SOX6: variants seen among roughly 807,000 people sequenced by gnomAD.
SOX6 encodes SRY-box transcription factor 6, also known as transcription factor SOX-6.
In SOX6, 11 loss-of-function variants were observed where a neutral mutation model predicts 97.8. That is an observed-to-expected ratio of 0.11 (90% CI 0.07 to 0.19). The LOEUF is 0.19. Among genes scored for constraint, SOX6 ranks in the 10% least tolerant of loss-of-function variants. The pLI, the probability that SOX6 is intolerant of heterozygous loss-of-function variation, is 1.00. For synonymous variants in SOX6, 360 were observed against 371.4 expected (o/e 0.97, Z 0.35); for missense variants, 810 against 1,039.5 (o/e 0.78, Z 3.04).
chr11:16,055,026 C>T (rs2133920126), intron 10 of SOX6, among the ~76,000 whole-genome samples: 1 of 152,228 alleles, frequency 6.6e-6, no homozygotes, highest in Non-Finnish European at 1.5e-5. Context: ...CCTGTTTATC[C>T]TATCACAACT....
chr11:16,540,602 T>C (rs1314652646), intron 4 of SOX6, among the ~76,000 whole-genome samples: 1 of 152,180 alleles, frequency 6.6e-6, no homozygotes, highest in African/African-American at 2.4e-5. Context: ...CTCCTTAAGC[T>C]GATAAGCAAC....
chr11:16,269,462 C>T (rs780425595), intron 3 of SOX6, among the ~76,000 whole-genome samples: 13 of 150,098 alleles, frequency 8.7e-5, no homozygotes, highest in Middle Eastern at 3.2e-3. Flanking sequence ...ATAAAAACTT[C>T]GGGGAATGTG....
rs1371740753 is a variant in SOX6, at chr11:16,201,630, T to C, written c.536-14675A>G. 6.7e-5 allele frequency among the ~76,000 whole-genome samples: 9 copies of C among 133,690 alleles called. 1 individual carries two copies. Among genetic ancestry groups the C allele is most frequent in the African/African-American group, 2.6e-4 (9 of 35,136 alleles). 87.7% of individuals were successfully genotyped at this position (133,690 alleles called of 152,430 possible). On this transcript the variant is annotated intron_variant, in intron 4 of 15. Transcript: ENST00000683767. ...CTCCTTATTTGCAAAGTATTTTTTT[T>C]TTTTTCTTTTTTTTTTTTTTTGAGA...
At chr11:16,628,303 T>C (rs940064836) in intron 3 of SOX6, among the ~76,000 whole-genome samples, 2 of 152,146 alleles carry the variant, frequency 1.3e-5, no homozygotes, top group African/African-American at 4.8e-5. Context: ...ATATGAACTT[T>C]AAAATAGTCT....
chr11:16,183,800 G>A, intron 6 of SOX6, 86 bp downstream of exon 6: 1 of 1,192,308 alleles, frequency 8.4e-7, no homozygotes, highest in Non-Finnish European at 1.2e-6. Context: ...TTATAAGACA[G>A]GGGTACATCT....
At chr11:16,248,165 G>A (rs551114736) in intron 3 of SOX6, among the ~76,000 whole-genome samples, 1 of 152,270 alleles carries the variant, frequency 6.6e-6, no homozygotes, top group South Asian at 2.1e-4. Context: ...GGGCTTCCAT[G>A]GCCTTGGACA....
chr11:16,650,018 C>T (rs1376324095), intron 3 of SOX6, among the ~76,000 whole-genome samples: 1 of 151,872 alleles, frequency 6.6e-6, no homozygotes, highest in Non-Finnish European at 1.5e-5. Flanking sequence ...TTTAAAGCAA[C>T]AACAGTATAA....
chr11:16,224,913 T>G (rs1196000002), intron 4 of SOX6, among the ~76,000 whole-genome samples: 5 of 152,024 alleles, frequency 3.3e-5, no homozygotes, highest in Non-Finnish European at 7.4e-5. Context: ...ATATGAAAAG[T>G]AAGAAGTTGG....
intron 4 of SOX6, among the ~76,000 whole-genome samples, chr11:16,190,572 A>G (rs1228594334): frequency 1.3e-5 from 2 of 152,236 alleles, no homozygotes; most frequent in African/African-American, 4.8e-5. Flanking sequence ...GCCATTTTAC[A>G]TAAGGAACTT....
chr11:16,361,080 A>T (rs1456904894), upstream of SOX6, among the ~76,000 whole-genome samples: 1 of 152,050 alleles, frequency 6.6e-6, no homozygotes, highest in Non-Finnish European at 1.5e-5. Flanking sequence ...ATGTATGGAG[A>T]CTTTATATAT....
chr11:16,228,692 A>C (rs998824818), intron 4 of SOX6, among the ~76,000 whole-genome samples: 18 of 152,162 alleles, frequency 1.2e-4, no homozygotes, highest in Non-Finnish European at 2.5e-4. Flanking sequence ...CAAGGTAACT[A>C]TGTGAGGTGA....
At chr11:15,983,950 A>T (rs1054992552) in intron 15 of SOX6, among the ~76,000 whole-genome samples, 22 of 152,198 alleles carry the variant, frequency 1.4e-4, no homozygotes, top group African/African-American at 5.1e-4. Flanking sequence ...CACACTCATG[A>T]CTGCCAGCAT....
In SOX6 at chr11:16,365,325, G is replaced by A. The variant is rs535353479; in HGVS notation, c.-4-24073C>T. Among the ~76,000 whole-genome samples, 9 of 139,564 alleles carry A rather than the reference G, an allele frequency of 6.4e-5. No individual in the cohort carries two copies. In the East Asian group the frequency reaches 1.5e-3, roughly 23 times the overall value. The allele number at this position is 139,564 out of a possible 152,430, so 91.6% of individuals were successfully genotyped here. On this transcript the variant is annotated intron_variant, in intron 1 of 15. Coordinates refer to the SOX6 transcript ENST00000396356. ...TGTGTGTTTGTGTGTGTGCATGCACGTGTGTGTGTATGTATCTTGTATGGT... is the reference window on the plus strand; with the variant it reads ...TGTGTGTTTGTGTGTGTGCATGCACATGTGTGTGTATGTATCTTGTATGGT...
chr11:16,689,676 C>T (rs191897352), intron 3 of SOX6, among the ~76,000 whole-genome samples: 10 of 152,172 alleles, frequency 6.6e-5, no homozygotes, highest in South Asian at 6.2e-4. Flanking sequence ...AAGTTTACTA[C>T]GTAAATAGCC....
chr11:16,465,459 GA>G (rs1454968454), intron 1 of SOX6, among the ~76,000 whole-genome samples: 9 of 151,786 alleles, frequency 5.9e-5, no homozygotes, highest in Admixed American at 2.0e-4. Flanking sequence ...TATAATAATG[GA>G]AAAAAATACA....
At chr11:16,380,553 T>C (rs1466296430) in intron 1 of SOX6, among the ~76,000 whole-genome samples, 1 of 151,970 alleles carries the variant, frequency 6.6e-6, no homozygotes, top group Non-Finnish European at 1.5e-5. Flanking sequence ...TATGGCTAAA[T>C]GCAAAAAAAA....
chr11:16,567,154 C>T (rs1463563429), intron 4 of SOX6, among the ~76,000 whole-genome samples: 10 of 152,138 alleles, frequency 6.6e-5, no homozygotes, highest in Non-Finnish European at 4.4e-5. Context: ...AAAAAAATAC[C>T]TATAGATGGC....
intron 3 of SOX6, among the ~76,000 whole-genome samples, chr11:16,627,095 T>C (rs1225518282): frequency 6.6e-6 from 1 of 152,252 alleles, no homozygotes; most frequent in African/African-American, 2.4e-5. Context: ...ATTCCTGTGT[T>C]AATTCGCTTA....
intron 1 of SOX6, among the ~76,000 whole-genome samples, chr11:16,736,702 C>T (rs1172195281): frequency 6.6e-6 from 1 of 152,106 alleles, no homozygotes; most frequent in Non-Finnish European, 1.5e-5. Context: ...GAACTGTAGT[C>T]GAAACTGCAA....
Sources: allele counts gnomAD v4.1 joint callset (sites outside exome capture counted in the v4.1 genomes callset), GRCh38; gene constraint gnomAD v4.1.1; transcripts MANE v1.5; gene names NCBI Gene and HGNC (gene_info 2026-07-23, HGNC 2026-07-21).